POTEE: variants seen among roughly 807,000 people sequenced by gnomAD.
The protein encoded by POTEE is ANKRD26-like family C member 1A.
Under a neutral mutation model 74.2 loss-of-function variants are expected in POTEE, and 21 were observed. The observed-to-expected ratio is 0.28, with a 90% CI of 0.20 to 0.41. POTEE has a LOEUF of 0.41. Ranked by LOEUF, POTEE falls within the 10% of genes least tolerant of loss-of-function variation. POTEE has a pLI of 1.00. For synonymous variants in POTEE, 211 were observed against 432.8 expected, an observed-to-expected ratio of 0.49 and a Z score of 6.36; for missense variants, 525 against 1,158.6, an observed-to-expected ratio of 0.45 and a Z score of 7.94.
chr2:131,231,009 G>A, intron 9 of POTEE, 103 bp downstream of exon 9: 1 of 1,071,662 alleles, frequency 9.3e-7, no homozygotes, highest in Non-Finnish European at 1.3e-6. Flanking sequence ...CTGGGGGAGG[G>A]TGGGGATGGT....
chr2:131,235,792 C>CAAAAAAA (rs1203876832), intron 9 of POTEE, among the ~76,000 whole-genome samples: 1 of 79,130 alleles, frequency 1.3e-5, no homozygotes, highest in Non-Finnish European at 2.2e-5. Context: ...GACCCTGGCT[C>CAAAAAAA]AAAAAAAAAA....
intron 7 of POTEE, among the ~76,000 whole-genome samples, 194 bp from the exon 8 acceptor site, chr2:131,228,050 G>A (rs1425676759): frequency 6.6e-6 from 1 of 150,636 alleles, no homozygotes; most frequent in Admixed American, 6.6e-5. Flanking sequence ...AGATAAGAGG[G>A]TTTTTTTTGG....
chr2:131,255,497 G>A lies in POTEE; in HGVS notation c.1778+2398G>A, dbSNP rs1701566707. On this transcript the variant is annotated intron_variant, in intron 16 of 17. Coordinates refer to ENST00000683005, the MANE Select transcript of POTEE (RefSeq NM_001083538.3). ...TTTATCATGGTCTGTTTTGCTTGCTGCTCCTCATCTTTCTCCTTTTGGACA... is the reference window on the plus strand; with the variant it reads ...TTTATCATGGTCTGTTTTGCTTGCTACTCCTCATCTTTCTCCTTTTGGACA... Among the ~76,000 whole-genome samples the A allele has an allele frequency of 1.0e-4, 2 of 19,896 alleles. 1 individual carries two copies. Among genetic ancestry groups the A allele is most frequent in the African/African-American group, 2.8e-4 (2 of 7,218 alleles). The allele number at this position is 19,896 out of a possible 152,430, so 13.1% of individuals were successfully genotyped here.
chr2:131,216,715 C>G (rs1700449619), intron 2 of POTEE, among the ~76,000 whole-genome samples: 1 of 126,142 alleles, frequency 7.9e-6, no homozygotes, highest in Admixed American at 8.8e-5. Context: ...TAAAATATTA[C>G]TTGGCAATGA....
intron 2 of POTEE, among the ~76,000 whole-genome samples, chr2:131,211,498 C>T (rs1186226173): frequency 1.3e-5 from 1 of 76,616 alleles, no homozygotes. Flanking sequence ...TTGTCTCATT[C>T]TTAACAAAAT....
chr2:131,231,378 C>T (rs1250591226), intron 9 of POTEE, among the ~76,000 whole-genome samples: 3 of 151,734 alleles, frequency 2.0e-5, no homozygotes, highest in Non-Finnish European at 2.9e-5. Context: ...CCTGGCTTGC[C>T]TGCTGCTCAC....
chr2:131,230,005 A>C (rs1224411597), intron 8 of POTEE, among the ~76,000 whole-genome samples: 1 of 149,924 alleles, frequency 6.7e-6, no homozygotes, highest in African/African-American at 2.5e-5. Flanking sequence ...TTGAACATCA[A>C]TATAAAGCAT....
At chr2:131,215,441 TTA>T (rs1700427552) in intron 2 of POTEE, among the ~76,000 whole-genome samples, 1 of 152,048 alleles carries the variant, frequency 6.6e-6, no homozygotes, top group Non-Finnish European at 1.5e-5. Flanking sequence ...GTTTGTGCAA[TTA>T]TAGTCTTTAC....
intron 1 of POTEE, among the ~76,000 whole-genome samples, chr2:131,210,169 T>C (rs1316918896): frequency 3.5e-5 from 5 of 141,582 alleles, no homozygotes; most frequent in Non-Finnish European, 6.1e-5. Context: ...TTAGGAGTGT[T>C]GTCGGGTGCT....
chr2:131,213,194 C>T (rs1700391950), intron 2 of POTEE, among the ~76,000 whole-genome samples: 1 of 152,188 alleles, frequency 6.6e-6, no homozygotes, highest in Admixed American at 6.5e-5. Context: ...CACCTGACCT[C>T]AGGTGATCCA....
At position 131,264,637 on chromosome 2, in the gene POTEE, AG is replaced by A; in HGVS notation, c.3183del (p.Glu1061AspfsTer21). ...TFQQMWISKQ[E>X]YDESGPSIVH... is the part of the protein sequence containing the mutation. ...CAGCAGATGTGGATCAGCAAGCAGGAGTATGATGAGTCAGGCCCCTCCATTG... is the reference window on the plus strand; with the variant it reads ...CAGCAGATGTGGATCAGCAAGCAGGATATGATGAGTCAGGCCCCTCCATTG... On this transcript the variant is annotated frameshift_variant, in exon 18 of 18. Transcript: ENST00000683005. LOFTEE classifies it high-confidence loss of function. The A allele has an allele frequency of 1.0e-6, 1 of 958,808 alleles. No homozygotes were observed. The highest frequency in any genetic ancestry group is 1.5e-6 in the Non-Finnish European group (1 of 665,766). 59.4% of individuals were successfully genotyped at this position (958,808 alleles called of 1,614,324 possible). A position where few individuals can be genotyped will look rare whatever the true frequency, so the allele number is the denominator to read the frequency against.
chr2:131,237,167 T>C (rs1196306384), intron 10 of POTEE, among the ~76,000 whole-genome samples: 1 of 151,114 alleles, frequency 6.6e-6, no homozygotes, highest in Non-Finnish European at 1.5e-5. Flanking sequence ...CTTTTATTTT[T>C]ACAACACCCG....
chr2:131,228,127 C>G, intron 7 of POTEE, 117 bp from the exon 8 acceptor site: 1 of 1,489,548 alleles, frequency 6.7e-7, no homozygotes, highest in Non-Finnish European at 8.9e-7. Context: ...ATGCTTATGT[C>G]TTTTAGTGCA....
chr2:131,217,556 C>CCTCCTT (rs1354089424), intron 2 of POTEE, among the ~76,000 whole-genome samples, 33 bp from the exon 3 acceptor site: 2 of 149,612 alleles, frequency 1.3e-5, no homozygotes, highest in Non-Finnish European at 3.0e-5. Flanking sequence ...TAGCCCCAGT[C>CCTCCTT]CTCCTTTAAG....
intron 6 of POTEE, among the ~76,000 whole-genome samples, chr2:131,225,272 G>C (rs1323694008): frequency 1.6e-4 from 25 of 151,958 alleles, no homozygotes; most frequent in Non-Finnish European, 2.8e-4. Context: ...AGCCAGGCAT[G>C]GTGGTACATG....
At chr2:131,223,573 A>G (rs1309373465) in intron 4 of POTEE, 23 bp from the exon 5 acceptor site, 12 of 1,611,790 alleles carry the variant, frequency 7.4e-6, no homozygotes, top group African/African-American at 5.4e-5. Context: ...ACAATTTCCT[A>G]AAAAGTCTTG....
rs1194478836 is a variant in POTEE at position 131,218,196 on chromosome 2, G to C, written c.-93-114G>C. Reference sequence around the variant, plus strand: ...GGTGGGCGTGGGGTCGCCCAGGGGGGGCGTGGGCTTTCCTCGGGTGGGTGT... The same window carrying C: ...GGTGGGCGTGGGGTCGCCCAGGGGGCGCGTGGGCTTTCCTCGGGTGGGTGT... On this transcript the variant is annotated intron_variant, in intron 3 of 17. Coordinates refer to ENST00000683005, the MANE Select transcript of POTEE (RefSeq NM_001083538.3). 8 of 944,600 alleles carry C rather than the reference G, an allele frequency of 8.5e-6. No individual in the cohort carries two copies. The South Asian group carries it at 1.4e-4, about 17-fold the overall frequency. 58.5% of individuals were successfully genotyped at this position (944,600 alleles called of 1,614,324 possible).
rs1368861535 is a variant in POTEE, at chr2:131,253,238, TC to T, written c.1778+140del. On this transcript the variant is annotated intron_variant, in intron 16 of 17. Coordinates refer to ENST00000683005, the MANE Select transcript of POTEE (RefSeq NM_001083538.3). ...TGCCTGTTAATCAGAAAAATGAAAA[TC>T]AGCAAACAATCAGTTACCGTTTTTT... 4 of 768,688 alleles carry T rather than the reference TC, an allele frequency of 5.2e-6. No homozygotes were observed. In the African/African-American group the frequency reaches 5.4e-5, roughly 10 times the overall value. 47.6% of individuals were successfully genotyped at this position (768,688 alleles called of 1,614,324 possible). A position where few individuals can be genotyped will look rare whatever the true frequency, so the allele number is the denominator to read the frequency against.
intron 4 of POTEE, among the ~76,000 whole-genome samples, chr2:131,222,552 G>A (rs1327349287): frequency 1.9e-4 from 29 of 151,946 alleles, no homozygotes; most frequent in African/African-American, 7.0e-4. Context: ...CATCTGGCAC[G>A]TGTACCCCTG....
Sources: gnomAD v4.1 joint callset for allele counts (sites outside exome capture counted in the v4.1 genomes callset) on GRCh38, gnomAD v4.1.1 for gene constraint, MANE v1.5 for transcripts, NCBI Gene and HGNC (gene_info 2026-07-23, HGNC 2026-07-21) for gene names.